Variants in COL24A1 observed in about 807,000 individuals in gnomAD.
The protein encoded by COL24A1 is collagen alpha-1(XXIV) chain.
A neutral mutation model predicts 253.9 loss-of-function variants in COL24A1; 224 were observed. The ratio of observed to expected loss-of-function variants is 0.88; its 90% confidence interval spans 0.79 to 0.99. COL24A1 has a LOEUF of 0.99. COL24A1 is among the 50% of genes least tolerant of loss of function. The pLI is 0.00. For synonymous variants in COL24A1, 685 were observed against 673.7 expected (o/e 1.02, Z -0.26); for missense variants, 2,131 against 2,068.5 (o/e 1.03, Z -0.59).
chr1:86,055,450 T>G (rs1463359719), intron 10 of COL24A1, among the ~76,000 whole-genome samples: 3 of 151,630 alleles, frequency 2.0e-5, no homozygotes, highest in African/African-American at 7.3e-5. Context: ...TCAATACAAA[T>G]GGGAAAAGGA....
At chr1:85,740,054 G>A (rs1664444238) in intron 57 of COL24A1, among the ~76,000 whole-genome samples, 1 of 151,956 alleles carries the variant, frequency 6.6e-6, no homozygotes. Flanking sequence ...CTTTACTATA[G>A]TAATGTCCTT....
At chr1:85,970,205 A>G (rs1267047613) in intron 22 of COL24A1, 22 bp downstream of exon 22, 3 of 1,559,212 alleles carry the variant, frequency 1.9e-6, no homozygotes, top group Non-Finnish European at 2.6e-6. Context: ...CACTTATGGA[A>G]AATTATTTAT....
chr1:85,986,164 C>A (rs1022838652), intron 20 of COL24A1, among the ~76,000 whole-genome samples: 1 of 151,688 alleles, frequency 6.6e-6, no homozygotes, highest in African/African-American at 2.4e-5. Flanking sequence ...TCCTGAATAT[C>A]TTTCTCTAGA....
At position 85,775,783 on chromosome 1, in the gene COL24A1, T is replaced by C. The variant is rs991271522; in HGVS notation, c.4339-74A>G. 1.1e-5 allele frequency: 13 copies of C among 1,216,742 alleles called. No individual in the cohort carries two copies. The Admixed American group carries it at 1.8e-4, about 17-fold the overall frequency. 75.4% of individuals were successfully genotyped at this position (1,216,742 alleles called of 1,614,324 possible). A position where few individuals can be genotyped will look rare whatever the true frequency, so the allele number is the denominator to read the frequency against. On this transcript the variant is annotated intron_variant, in intron 52 of 59. Transcript: ENST00000370571. The stretch of plus-strand genomic sequence containing the variant: ...ATTAAATGTAGCTGAGGTCATTATA[T>C]GTAGAAACATGACAATTTATATTTT...
At chr1:85,858,274 A>G (rs1287091216) in intron 37 of COL24A1, among the ~76,000 whole-genome samples, 1 of 152,228 alleles carries the variant, frequency 6.6e-6, no homozygotes, top group African/African-American at 2.4e-5. Context: ...CATTGCAATG[A>G]GAATAATCAC....
intron 7 of COL24A1, among the ~76,000 whole-genome samples, chr1:86,071,795 A>T (rs947742240): frequency 1.3e-5 from 2 of 152,084 alleles, no homozygotes; most frequent in African/African-American, 4.8e-5. Flanking sequence ...ATTGCTGGAG[A>T]CTTCAATACC....
At chr1:85,853,039 T>C (rs1677974191) in intron 37 of COL24A1, among the ~76,000 whole-genome samples, 1 of 152,172 alleles carries the variant, frequency 6.6e-6, no homozygotes, top group Non-Finnish European at 1.5e-5. Context: ...ATGTGTCACA[T>C]GGATTTGGTG....
chr1:86,122,616 C>T (rs1647549936), intron 3 of COL24A1, among the ~76,000 whole-genome samples: 1 of 151,806 alleles, frequency 6.6e-6, no homozygotes, highest in Non-Finnish European at 1.5e-5. Flanking sequence ...ATGATATCAC[C>T]ATTCTCTCAA....
intron 19 of COL24A1, among the ~76,000 whole-genome samples, chr1:86,008,694 C>T (rs188323674): frequency 6.8e-4 from 104 of 151,938 alleles, no homozygotes; most frequent in African/African-American, 2.4e-3. Context: ...GAAAGAAGAA[C>T]TAAAATGATC....
At chr1:86,092,986 A>G (rs1703615586) in intron 5 of COL24A1, among the ~76,000 whole-genome samples, 1 of 151,994 alleles carries the variant, frequency 6.6e-6, no homozygotes, top group Non-Finnish European at 1.5e-5. Flanking sequence ...CTCTTTTTCA[A>G]ACAATTTGTC....
intron 20 of COL24A1, among the ~76,000 whole-genome samples, chr1:85,978,963 A>T (rs1269894563): frequency 2.0e-5 from 3 of 152,204 alleles, no homozygotes; most frequent in African/African-American, 7.2e-5. Flanking sequence ...CAATAAATTT[A>T]AGAAAATAGA....
intron 2 of COL24A1, among the ~76,000 whole-genome samples, chr1:86,131,220 G>T (rs1465385749): frequency 2.0e-5 from 3 of 151,798 alleles, no homozygotes; most frequent in Non-Finnish European, 4.4e-5. Context: ...TAAGAATATG[G>T]CACCATATTG....
intron 40 of COL24A1, 29 bp from the exon 41 acceptor site, chr1:85,842,150 A>G: frequency 6.3e-7 from 1 of 1,599,336 alleles, no homozygotes; most frequent in South Asian, 1.1e-5. Flanking sequence ...ACATTTATAC[A>G]TGCTCTACCT....
At chr1:85,761,677 TACAA>T (rs765693321) in intron 53 of COL24A1, 111 bp from the exon 54 acceptor site, 45 of 1,024,216 alleles carry the variant, frequency 4.4e-5, no homozygotes, top group Non-Finnish European at 6.6e-5. Context: ...AGGCAAGTCA[TACAA>T]TTTAAAATTG....
intron 12 of COL24A1, among the ~76,000 whole-genome samples, chr1:86,039,520 T>C (rs909398275): frequency 2.0e-5 from 3 of 152,032 alleles, no homozygotes; most frequent in Non-Finnish European, 4.4e-5. Flanking sequence ...ACAAAAGCAA[T>C]ACAAAAACCC....
intron 24 of COL24A1, among the ~76,000 whole-genome samples, chr1:85,912,243 A>C (rs1685442341): frequency 6.6e-6 from 1 of 152,146 alleles, no homozygotes. Context: ...ATGTTAAAGA[A>C]GGTAATCAGT....
Position 85,798,326 on chromosome 1 carries a change from T to C in COL24A1, c.3952-11865A>G, listed in dbSNP as rs560888466. 1.5e-4 allele frequency among the ~76,000 whole-genome samples: 23 copies of C among 152,234 alleles called. No homozygotes were observed. In the East Asian group the frequency reaches 3.3e-3, roughly 22 times the overall value. ...ACGCTGCCAAATACACTGAACTTTG[T>C]TGCTCTGGAAGAGTTCCTAATGAGT... On this transcript the variant is annotated intron_variant, in intron 47 of 59. Transcript: ENST00000370571.
At chr1:85,831,011 G>A (rs1047010186) in intron 43 of COL24A1, among the ~76,000 whole-genome samples, 1 of 152,096 alleles carries the variant, frequency 6.6e-6, no homozygotes, top group African/African-American at 2.4e-5. Context: ...TGAGGCAAAT[G>A]TTTACGGTTT....
At chr1:85,944,975 C>T (rs1689118331) in intron 24 of COL24A1, among the ~76,000 whole-genome samples, 1 of 122,094 alleles carries the variant, frequency 8.2e-6, no homozygotes, top group South Asian at 3.2e-4. Flanking sequence ...ATATGTGCCA[C>T]ATTTTCTTAA....
Sources: gnomAD v4.1 joint callset for allele counts (sites outside exome capture counted in the v4.1 genomes callset) on GRCh38, gnomAD v4.1.1 for gene constraint, MANE v1.5 for transcripts, NCBI Gene and HGNC (gene_info 2026-07-23, HGNC 2026-07-21) for gene names.